The following TRIP12 variants were observed in gnomAD, a reference collection of about 807,000 sequenced individuals.
The protein encoded by TRIP12 is thyroid hormone receptor interactor 12.
A neutral mutation model predicts 244.2 loss-of-function variants in TRIP12; 25 were observed. The ratio of observed to expected loss-of-function variants is 0.10; its 90% CI spans 0.07 to 0.14. TRIP12 has a LOEUF of 0.14. TRIP12 is among the 10% of genes least tolerant of loss of function. The probability of loss-of-function intolerance (pLI) is 1.00; values close to 1 mark genes in which losing one functional copy is unlikely to be tolerated. For synonymous variants in TRIP12, 905 were observed against 873.1 expected (o/e 1.04, Z -0.64); for missense variants, 1,677 against 2,486.4 (o/e 0.67, Z 6.92).
chr2:229,825,761 T>C (rs2051389946), intron 8 of TRIP12, among the ~76,000 whole-genome samples: 1 of 152,166 alleles, frequency 6.6e-6, no homozygotes, highest in South Asian at 2.1e-4. Context: ...CATAGCCAAA[T>C]CATAGCAGGG....
Position 229,815,125 on chromosome 2 carries a change from C to T in TRIP12, c.1705G>A (p.Asp569Asn), listed in dbSNP as rs1220457207. The change falls in exon 11 of 42, where the codon GAT becomes AAT. Residue 569 changes from aspartate (D) to asparagine (N), a missense_variant. Asp to Asn is a conservative substitution (Grantham distance 23). Around this residue, in one of 11 missense-constraint regions of TRIP12, gnomAD observed 572 missense variants for 867.8 expected, o/e 0.66. Coordinates refer to ENST00000675903, the MANE Select transcript of TRIP12 (RefSeq NM_001348323.3). Reference protein sequence around the residue: ...ALPRSSAVVVDAIPVFLEKLQ... With the variant: ...ALPRSSAVVVNAIPVFLEKLQ... ...TTTTCTAAAAAGACAGGAATAGCAT[C>T]TACTACAACAGCAGAAGATCGAGGA... 6.2e-7 allele frequency: 1 copy of T among 1,612,634 alleles called. No homozygotes were observed. The highest frequency in any genetic ancestry group is 2.2e-5 in the East Asian group (1 of 44,768).
chr2:229,879,561 T>G (rs557564001), intron 2 of TRIP12, among the ~76,000 whole-genome samples: 3 of 152,226 alleles, frequency 2.0e-5, no homozygotes, highest in South Asian at 4.1e-4. Flanking sequence ...AAAGGCATGA[T>G]GAGGACAAAA....
At chr2:229,769,862 T>C (rs1318675760) in intron 39 of TRIP12, among the ~76,000 whole-genome samples, 1 of 152,238 alleles carries the variant, frequency 6.6e-6, no homozygotes, top group African/African-American at 2.4e-5. Flanking sequence ...CCAACCCAGA[T>C]ATTATAGAAT....
chr2:229,915,444 GAATC>G (rs778505897), intron 1 of TRIP12, among the ~76,000 whole-genome samples: 5 of 152,162 alleles, frequency 3.3e-5, no homozygotes, highest in Non-Finnish European at 7.4e-5. Flanking sequence ...TGCAAAATAA[GAATC>G]AAAATTTTAA....
At chr2:229,869,922 T>C (rs1362594713) in intron 2 of TRIP12, among the ~76,000 whole-genome samples, 1 of 152,188 alleles carries the variant, frequency 6.6e-6, no homozygotes, top group Non-Finnish European at 1.5e-5. Flanking sequence ...ACATACACAG[T>C]AGTTGGCAAC....
At chr2:229,779,012 A>G (rs750394463) in intron 34 of TRIP12, 22 bp from the exon 35 acceptor site, 66 of 1,596,306 alleles carry the variant, frequency 4.1e-5, no homozygotes, top group Non-Finnish European at 6.0e-6. Flanking sequence ...CACAAGTAGA[A>G]CGATTTCAAA....
chr2:229,904,465 T>G (rs944657102), intron 1 of TRIP12, among the ~76,000 whole-genome samples: 1 of 151,232 alleles, frequency 6.6e-6, no homozygotes, highest in Non-Finnish European at 1.5e-5. Context: ...AGGGAAAGAT[T>G]TTAACAATTA....
At chr2:229,918,165 C>G (rs2075856083) in intron 1 of TRIP12, among the ~76,000 whole-genome samples, 1 of 152,196 alleles carries the variant, frequency 6.6e-6, no homozygotes, top group African/African-American at 2.4e-5. Flanking sequence ...AGGAAGTGAT[C>G]TGAAGACATG....
At chr2:229,772,611 G>A (rs975028004) in intron 38 of TRIP12, among the ~76,000 whole-genome samples, 1 of 152,108 alleles carries the variant, frequency 6.6e-6, no homozygotes, top group Admixed American at 6.5e-5. Flanking sequence ...CTACAGGCGT[G>A]CACCACCACG....
In TRIP12 at chr2:229,829,275, T is replaced by A; in HGVS notation, c.1368A>T (p.Ala456=). The change falls in exon 8 of 42, where the codon GCA becomes GCT. Residue 456 remains alanine, a synonymous_variant. Coordinates refer to ENST00000675903, the MANE Select transcript of TRIP12 (RefSeq NM_001348323.3). ...EMGRLQALLE[A]RGLPPHLFGP... ...CAAATAGGTGAGGGGGAAGACCCCT[T>A]GCCTCTAACAAAGCTAAAGAAAAAA... 1 of 1,612,638 alleles carries A rather than the reference T, an allele frequency of 6.2e-7. No individual in the cohort carries two copies. Among genetic ancestry groups the A allele is most frequent in the African/African-American group, 1.3e-5 (1 of 74,994 alleles).
At chr2:229,884,541 G>A (rs553535055) in intron 1 of TRIP12, among the ~76,000 whole-genome samples, 14 of 151,922 alleles carry the variant, frequency 9.2e-5, no homozygotes, top group South Asian at 2.1e-4. Flanking sequence ...GTGCCTGGCC[G>A]GAAATTAATT....
chr2:229,850,761 G>A (rs904684826), intron 4 of TRIP12, among the ~76,000 whole-genome samples: 2 of 152,236 alleles, frequency 1.3e-5, no homozygotes, highest in Non-Finnish European at 2.9e-5. Flanking sequence ...GGCGCTTGCG[G>A]GCCAGCTGGA....
At chr2:229,850,807 T>C (rs2058523113) in intron 4 of TRIP12, among the ~76,000 whole-genome samples, 1 of 152,090 alleles carries the variant, frequency 6.6e-6, no homozygotes, top group African/African-American at 2.4e-5. Context: ...GGCCCCACAC[T>C]CGGAGGAGCA....
chr2:229,804,968 G>A (rs2045472788), intron 18 of TRIP12, among the ~76,000 whole-genome samples: 1 of 152,060 alleles, frequency 6.6e-6, no homozygotes, highest in South Asian at 2.1e-4. Flanking sequence ...TGTGGTGGCA[G>A]GATCTCAGCT....
intron 1 of TRIP12, among the ~76,000 whole-genome samples, chr2:229,917,240 G>A (rs2075604549): frequency 6.6e-6 from 1 of 151,376 alleles, no homozygotes. Context: ...AATTAGCTGG[G>A]CGTGGTGGCT....
In TRIP12 at chr2:229,804,349, T is replaced by C. The variant is rs191132266; in HGVS notation, c.2651-122A>G. The C allele has an allele frequency of 3.6e-5, 29 of 796,302 alleles. No individual in the cohort carries two copies. In the African/African-American group the frequency reaches 4.4e-4, roughly 12 times the overall value. The allele number at this position is 796,302 out of a possible 1,614,324, so 49.3% of individuals were successfully genotyped here. On this transcript the variant is annotated intron_variant, in intron 18 of 41. Coordinates refer to ENST00000675903, the MANE Select transcript of TRIP12 (RefSeq NM_001348323.3). ...AAATGCTATGAAAACTTTTTCATTA[T>C]AGAACACATGAACTTCTATGATATG...
intron 34 of TRIP12, among the ~76,000 whole-genome samples, chr2:229,780,066 C>T (rs2037598781): frequency 6.6e-6 from 1 of 152,212 alleles, no homozygotes; most frequent in Non-Finnish European, 1.5e-5. Context: ...AAATTACCCA[C>T]ACTAGCTTAA....
chr2:229,890,257 T>C (rs1412822503), intron 1 of TRIP12, among the ~76,000 whole-genome samples: 3 of 151,860 alleles, frequency 2.0e-5, no homozygotes, highest in Non-Finnish European at 4.4e-5. Flanking sequence ...TTTTTGTATT[T>C]TTAGTAGAGA....
intron 34 of TRIP12, among the ~76,000 whole-genome samples, chr2:229,781,234 T>C (rs11903762): frequency 0.069 from 10,460 of 152,164 alleles, 1,206 homozygotes; most frequent in African/African-American, 0.24. Context: ...CCACTAAAAG[T>C]GTAGGTACTT....
Sources: gnomAD v4.1 joint callset for allele counts (sites outside exome capture counted in the v4.1 genomes callset) on GRCh38, gnomAD v4.1.1 for gene constraint, gnomAD v4.1.1 regional missense constraint, MANE v1.5 for transcripts, NCBI Gene and HGNC (gene_info 2026-07-23, HGNC 2026-07-21) for gene names.